PLCZ1: variants seen among roughly 807,000 people sequenced by gnomAD.
PLCZ1 encodes the protein 1-phosphatidylinositol 4,5-bisphosphate phosphodiesterase zeta-1.
A neutral mutation model predicts 76.8 loss-of-function variants in PLCZ1; 64 were observed. The observed-to-expected ratio is 0.83, with a 90% CI of 0.68 to 1.03. PLCZ1 has a LOEUF of 1.03. Ranked by LOEUF, PLCZ1 falls within the 50% of genes least tolerant of loss-of-function variation. The pLI is 0.00. For synonymous variants in PLCZ1, 248 were observed against 230.8 expected (o/e 1.07, Z -0.68); for missense variants, 751 against 713.7 (o/e 1.05, Z -0.60).
intron 12 of PLCZ1, chr12:18,694,192 C>A: frequency 1.6e-6 from 1 of 642,688 alleles, no homozygotes; most frequent in South Asian, 2.0e-5. Flanking sequence ...AATCTCTGTT[C>A]CCATTGATTT....
At chr12:18,716,326 A>G (rs1489279002) in intron 5 of PLCZ1, among the ~76,000 whole-genome samples, 1 of 152,128 alleles carries the variant, frequency 6.6e-6, no homozygotes, top group Non-Finnish European at 1.5e-5. Flanking sequence ...ACTTCTCTAG[A>G]TAGTTTTAAT....
the PLCZ1 span, among the ~76,000 whole-genome samples, chr12:18,667,139 G>C: frequency 3.9e-5 from 6 of 152,138 alleles, no homozygotes; most frequent in African/African-American, 1.4e-4. Flanking sequence ...TATATTGAAA[G>C]GGGTCTCAAA....
At chr12:18,727,277 G>C (rs937003584) in intron 3 of PLCZ1, among the ~76,000 whole-genome samples, 1 of 152,130 alleles carries the variant, frequency 6.6e-6, no homozygotes, top group Non-Finnish European at 1.5e-5. Flanking sequence ...GAGCCCAGGA[G>C]TCCAGGGCTA....
the PLCZ1 span, among the ~76,000 whole-genome samples, chr12:18,657,254 G>T: frequency 6.6e-6 from 1 of 152,150 alleles, no homozygotes; most frequent in Non-Finnish European, 1.5e-5. Flanking sequence ...GGGGGCGAAA[G>T]ACTGGGAAAT....
At chr12:18,662,852 A>C in the PLCZ1 span, among the ~76,000 whole-genome samples, 1 of 152,108 alleles carries the variant, frequency 6.6e-6, no homozygotes, top group Admixed American at 6.6e-5. Context: ...ACATAGAATA[A>C]AAACCAAAGG....
intron 7 of PLCZ1, 62 bp from the exon 8 acceptor site, chr12:18,701,838 C>A: frequency 6.5e-7 from 1 of 1,543,252 alleles, no homozygotes; most frequent in Non-Finnish European, 8.7e-7. Context: ...TTGTAACAGT[C>A]ACTGAAAAGT....
chr12:18,661,273 T>C, the PLCZ1 span, among the ~76,000 whole-genome samples: 1 of 151,958 alleles, frequency 6.6e-6, no homozygotes, highest in African/African-American at 2.4e-5. Context: ...TGTGATGAGA[T>C]ACAAGAATTA....
chr12:18,696,978 C>T (rs1318150398), intron 10 of PLCZ1, among the ~76,000 whole-genome samples: 1 of 152,142 alleles, frequency 6.6e-6, no homozygotes, highest in Non-Finnish European at 1.5e-5. Flanking sequence ...AGTTTCTGTA[C>T]ATATTCTTTG....
intron 3 of PLCZ1, among the ~76,000 whole-genome samples, chr12:18,732,586 G>T (rs558900095): frequency 2.0e-5 from 3 of 152,136 alleles, no homozygotes; most frequent in Non-Finnish European, 4.4e-5. Context: ...TATTTGTGCC[G>T]TATAACAGAA....
chr12:18,688,743 G>T (rs73344975), intron 12 of PLCZ1, among the ~76,000 whole-genome samples: 11,594 of 151,922 alleles, frequency 0.076, 554 homozygotes, highest in African/African-American at 0.13. Context: ...ATTTAAACTT[G>T]TATTTGCCAA....
chr12:18,712,783 A>T, intron 6 of PLCZ1, 59 bp downstream of exon 6: 1 of 1,580,286 alleles, frequency 6.3e-7, no homozygotes, highest in Non-Finnish European at 8.7e-7. Flanking sequence ...ATTTTGAAGC[A>T]AGTAAATTAG....
chr12:18,694,964 T>A lies in PLCZ1; in HGVS notation c.1407A>T (p.Ser469=), dbSNP rs150169733. 2.2e-5 allele frequency: 36 copies of A among 1,606,596 alleles called. No individual in the cohort carries two copies. The highest frequency in any genetic ancestry group is 2.9e-5 in the Non-Finnish European group (34 of 1,173,876). ...LKPHFLRESK[S]YFNPSNIKEG... ...CTTTTATGTTACTTGGGTTAAAGTA[T>A]GATTTACTCTCTCTTAAGAAATGTG... Residue 469 remains serine, a synonymous_variant, in exon 12 of 15, where the codon TCA becomes TCT. Transcript: ENST00000266505.
chr12:18,658,436 A>G, the PLCZ1 span, among the ~76,000 whole-genome samples: 7 of 152,278 alleles, frequency 4.6e-5, no homozygotes, highest in East Asian at 1.2e-3. Context: ...TAAAAGCAGC[A>G]GGAGAGAAGC....
intron 10 of PLCZ1, among the ~76,000 whole-genome samples, chr12:18,698,333 C>CTCTAT (rs1165769117): frequency 2.0e-5 from 3 of 151,010 alleles, no homozygotes; most frequent in Middle Eastern, 3.4e-3. Flanking sequence ...CTCTATACTA[C>CTCTAT]TCTATTCTAT....
Position 18,712,876 on chromosome 12 carries a change from G to C in PLCZ1, c.680C>G (p.Thr227Ser). 6.2e-7 allele frequency: 1 copy of C among 1,613,914 alleles called. No individual in the cohort carries two copies. The highest frequency in any genetic ancestry group is 8.5e-7 in the Non-Finnish European group (1 of 1,179,816). ...YTLTSKLLFK[T>S]VIQAIHKYAF... Reference sequence around the variant, plus strand: ...ATACTTGTGTATAGCTTGGATAACAGTTTTAAACAGAAGTTTGCTTGTGAG... The same window carrying C: ...ATACTTGTGTATAGCTTGGATAACACTTTTAAACAGAAGTTTGCTTGTGAG... The change falls in exon 6 of 15, where the codon ACT becomes AGT. Residue 227 changes from threonine to serine, a missense_variant. Transcript: ENST00000266505.
At chr12:18,679,346 T>C (rs1166517394), downstream of PLCZ1, among the ~76,000 whole-genome samples, 1 of 152,072 alleles carries the variant, frequency 6.6e-6, no homozygotes, top group African/African-American at 2.4e-5. Context: ...ATGCATTTAA[T>C]GTTTCAAGAA....
At chr12:18,648,126 A>ATG in the PLCZ1 span, 2 of 653,424 alleles carry the variant, frequency 3.1e-6, no homozygotes, top group Non-Finnish European at 4.9e-6. Flanking sequence ...GTTGTCAAAG[A>ATG]CAGCACAGGG....
chr12:18,648,096 C>A, the PLCZ1 span: 2 of 981,712 alleles, frequency 2.0e-6, no homozygotes, highest in South Asian at 2.2e-5. Flanking sequence ...GCCTCTGAAT[C>A]ACATAAGTAA....
rs189099271 is a variant in PLCZ1, at chr12:18,724,185, A to G, written c.136-643T>C. 7.6e-4 allele frequency among the ~76,000 whole-genome samples: 116 copies of G among 152,266 alleles called. 1 individual carries two copies. Among genetic ancestry groups the G allele is most frequent in the Non-Finnish European group, 7.4e-5 (5 of 68,010 alleles). ...TGGTTTGATTAGTTGTGCATTTCCA[A>G]TTGGAAGAGTTAGAGAACTGCAGGT... On this transcript the variant is annotated intron_variant, in intron 3 of 14. Coordinates refer to ENST00000266505, the MANE Select transcript of PLCZ1 (RefSeq NM_033123.4).
Sources: allele counts gnomAD v4.1 joint callset (sites outside exome capture counted in the v4.1 genomes callset), GRCh38; gene constraint gnomAD v4.1.1; transcripts MANE v1.5; gene names NCBI Gene and HGNC (gene_info 2026-07-23, HGNC 2026-07-21).